PSD3: variants seen among roughly 807,000 people sequenced by gnomAD.
PSD3 encodes PH and SEC7 domain-containing protein 3.
Under a neutral mutation model 105.5 loss-of-function variants are expected in PSD3, and 49 were observed. The ratio of observed to expected loss-of-function variants is 0.46; its 90% CI spans 0.37 to 0.59. PSD3 has a LOEUF of 0.59. Among genes scored for constraint, PSD3 ranks in the 20% least tolerant of loss-of-function variants. The pLI is 0.00. For synonymous variants in PSD3, 557 were observed against 457.8 expected (o/e 1.22, Z -2.77); for missense variants, 1,561 against 1,263.8 (o/e 1.24, Z -3.57).
chr8:18,695,365 T>C (rs1287623333), intron 9 of PSD3, among the ~76,000 whole-genome samples: 1 of 152,184 alleles, frequency 6.6e-6, no homozygotes, highest in African/African-American at 2.4e-5. Context: ...GATAACAGCA[T>C]CTTTGATGCC....
intron 2 of PSD3, among the ~76,000 whole-genome samples, chr8:18,874,024 C>T (rs986431687): frequency 1.3e-5 from 2 of 152,176 alleles, no homozygotes; most frequent in African/African-American, 4.8e-5. Context: ...CCTATCAGCC[C>T]TAGTATCCAG....
intron 1 of PSD3, among the ~76,000 whole-genome samples, chr8:19,076,133 G>T (rs1483286808): frequency 8.5e-5 from 13 of 152,162 alleles, no homozygotes; most frequent in African/African-American, 3.1e-4. Context: ...GCAGTTTGCA[G>T]AGTATGCTAA....
intron 11 of PSD3, among the ~76,000 whole-genome samples, chr8:18,612,129 A>G (rs1805311268): frequency 6.6e-6 from 1 of 151,434 alleles, no homozygotes; most frequent in Non-Finnish European, 1.5e-5. Context: ...GCAGCCTTAC[A>G]TAAAAAAAAG....
At position 18,556,413 on chromosome 8, in the gene PSD3, A is replaced by G. The variant is rs7013172; in HGVS notation, c.2785-61T>C. ...AAAAAACAAGTCAATAACAAAGCAC[A>G]GCATACTTTAAAAAATCCCCTGTGC... On this transcript the variant is annotated intron_variant, in intron 14 of 15. Coordinates refer to ENST00000327040, the MANE Select transcript of PSD3 (RefSeq NM_015310.4). The G allele has an allele frequency of 1.0e-4, 154 of 1,528,636 alleles. 1 individual carries two copies. The African/African-American group carries it at 1.7e-3, about 17-fold the overall frequency. The allele number at this position is 1,528,636 out of a possible 1,614,324, so 94.7% of individuals were successfully genotyped here.
intron 8 of PSD3, among the ~76,000 whole-genome samples, chr8:18,789,231 A>G (rs57625991): frequency 0.033 from 4,982 of 152,232 alleles, 229 homozygotes; most frequent in African/African-American, 0.11. Context: ...TAGTAACACT[A>G]AAAACATTTT....
At chr8:18,967,974 A>T (rs191034301) in intron 1 of PSD3, among the ~76,000 whole-genome samples, 20 of 152,278 alleles carry the variant, frequency 1.3e-4, no homozygotes, top group Non-Finnish European at 2.5e-4. Context: ...CTAGCAAAAG[A>T]TCCAAACCTA....
intron 14 of PSD3, among the ~76,000 whole-genome samples, 190 bp from the exon 15 acceptor site, chr8:18,556,542 A>T (rs1801086179): frequency 6.6e-6 from 1 of 152,120 alleles, no homozygotes; most frequent in African/African-American, 2.4e-5. Context: ...CCTTCCCGGG[A>T]TGGCAATCAA....
intron 1 of PSD3, among the ~76,000 whole-genome samples, chr8:19,036,654 T>G (rs1047501001): frequency 6.6e-6 from 1 of 152,108 alleles, no homozygotes; most frequent in Non-Finnish European, 1.5e-5. Flanking sequence ...GTGGCTTGGG[T>G]TGGAAATCTT....
chr8:18,711,416 A>G (rs1802247844), intron 9 of PSD3, among the ~76,000 whole-genome samples: 1 of 152,230 alleles, frequency 6.6e-6, no homozygotes. Flanking sequence ...AAGACACAAT[A>G]GGCTCAAAAT....
intron 1 of PSD3, among the ~76,000 whole-genome samples, chr8:18,982,405 T>C (rs1825289850): frequency 6.6e-6 from 1 of 152,222 alleles, no homozygotes; most frequent in African/African-American, 2.4e-5. Context: ...TTTGATGTCC[T>C]CCAATGAATC....
chr8:18,835,033 A>G (rs1282509242), intron 4 of PSD3, among the ~76,000 whole-genome samples: 2 of 152,246 alleles, frequency 1.3e-5, no homozygotes, highest in Non-Finnish European at 1.5e-5. Context: ...TTTTTCAGCC[A>G]TTAAATTGGT....
rs4921949 is a variant in PSD3, at chr8:18,667,087, G to A, written c.2173-11402C>T. Among the ~76,000 whole-genome samples, 3,976 of 152,180 alleles carry A rather than the reference G, an allele frequency of 0.026. 371 individuals carry two copies. The East Asian group carries it at 0.33, about 13-fold the overall frequency. On this transcript the variant is annotated intron_variant, in intron 9 of 15. Coordinates refer to ENST00000327040, the MANE Select transcript of PSD3 (RefSeq NM_015310.4). ...GCAGACCTTTGTGTTGAGTGTTACAGCTCATAAAGGCAGTGTGGAAGGGGA... is the reference window on the plus strand; with the variant it reads ...GCAGACCTTTGTGTTGAGTGTTACAACTCATAAAGGCAGTGTGGAAGGGGA...
intron 12 of PSD3, among the ~76,000 whole-genome samples, chr8:18,587,290 G>A (rs560113219): frequency 7.9e-5 from 12 of 152,064 alleles, no homozygotes; most frequent in South Asian, 2.1e-4. Flanking sequence ...AGGTGGCAGC[G>A]GCAATGACCT....
chr8:19,056,980 C>T lies in PSD3; in HGVS notation c.324+27226G>A, dbSNP rs888669301. On this transcript the variant is annotated intron_variant, in intron 1 of 1. Coordinates refer to the PSD3 transcript ENST00000521475. ...AGAAGCTGTCTGATAAGGGTATGAACTTTCATCTTGCTATCACCAAACCTA... is the reference window on the plus strand; with the variant it reads ...AGAAGCTGTCTGATAAGGGTATGAATTTTCATCTTGCTATCACCAAACCTA... 2.0e-5 allele frequency among the ~76,000 whole-genome samples: 3 copies of T among 152,086 alleles called. No individual in the cohort carries two copies. In the South Asian group the frequency reaches 6.2e-4, roughly 32 times the overall value.
At chr8:19,077,179 A>G (rs1038902502) in intron 1 of PSD3, among the ~76,000 whole-genome samples, 2 of 152,204 alleles carry the variant, frequency 1.3e-5, no homozygotes, top group Non-Finnish European at 2.9e-5. Flanking sequence ...TTGATACTGC[A>G]TCATACAATC....
chr8:18,667,974 C>T (rs966493920), intron 9 of PSD3, among the ~76,000 whole-genome samples: 2 of 152,246 alleles, frequency 1.3e-5, no homozygotes, highest in Admixed American at 6.5e-5. Context: ...CCGGCCGCTC[C>T]AAGTGTGGGG....
intron 11 of PSD3, among the ~76,000 whole-genome samples, chr8:18,602,482 A>C (rs1216713156): frequency 6.6e-6 from 1 of 152,044 alleles, no homozygotes; most frequent in Non-Finnish European, 1.5e-5. Context: ...GCCAGTTACA[A>C]TTTAGTAATC....
chr8:18,878,989 G>A (rs982735325), intron 2 of PSD3, among the ~76,000 whole-genome samples: 1 of 151,182 alleles, frequency 6.6e-6, no homozygotes, highest in East Asian at 1.9e-4. Flanking sequence ...TTGGGAGCCC[G>A]CTTTGCTTTA....
Position 18,919,822 on chromosome 8 carries a change from G to A in PSD3, c.130+16212C>T, listed in dbSNP as rs1291563704. Among the ~76,000 whole-genome samples, 5 of 141,212 alleles carry A rather than the reference G, an allele frequency of 3.5e-5. No homozygotes were observed. The South Asian group carries it at 9.2e-4, about 26-fold the overall frequency. 92.6% of individuals were successfully genotyped at this position (141,212 alleles called of 152,430 possible). ...CAATGAGATCACATGGACACAGGAA[G>A]GGGAACATCACACTCTGGGGACTGT... On this transcript the variant is annotated intron_variant, in intron 2 of 15. Coordinates refer to ENST00000327040, the MANE Select transcript of PSD3 (RefSeq NM_015310.4).
Sources: allele counts gnomAD v4.1 joint callset (sites outside exome capture counted in the v4.1 genomes callset), GRCh38; gene constraint gnomAD v4.1.1; transcripts MANE v1.5; gene names NCBI Gene and HGNC (gene_info 2026-07-23, HGNC 2026-07-21).